The following TMIGD3 variants were observed in gnomAD, a reference collection of about 807,000 sequenced individuals.
The protein encoded by TMIGD3 is AD026 protein (AD026).
TMIGD3 carries 21 observed loss-of-function variants against 28.1 expected under a neutral mutation model. That is an observed-to-expected ratio of 0.75 (90% CI 0.53 to 1.08). The LOEUF is 1.08. TMIGD3 is among the 50% of genes least tolerant of loss of function. The pLI, the probability that TMIGD3 is intolerant of heterozygous loss-of-function variation, is 0.00. For missense variants in TMIGD3, 416 were observed against 435.6 expected (o/e 0.96, Z 0.40); for synonymous variants, 151 against 162.1 (o/e 0.93, Z 0.52).
chr1:111,541,554 G>A (rs945210320), intron 1 of TMIGD3, among the ~76,000 whole-genome samples: 8 of 152,162 alleles, frequency 5.3e-5, no homozygotes, highest in African/African-American at 1.9e-4. Flanking sequence ...GGTGACGCTT[G>A]GCAGACAGTA....
upstream of TMIGD3, among the ~76,000 whole-genome samples, chr1:111,507,208 G>A (rs1008149168): frequency 6.6e-6 from 1 of 151,728 alleles, no homozygotes; most frequent in African/African-American, 2.4e-5. Flanking sequence ...GATTGCTTGA[G>A]GCCAGGAGCT....
upstream of TMIGD3, among the ~76,000 whole-genome samples, chr1:111,506,670 T>A (rs959707528): frequency 6.6e-6 from 1 of 151,772 alleles, no homozygotes; most frequent in Non-Finnish European, 1.5e-5. Flanking sequence ...TCAGTAGAGA[T>A]CAGTATTCTC....
chr1:111,486,548 C>A lies in TMIGD3; in HGVS notation c.872+38G>T, dbSNP rs754436062. On this transcript the variant is annotated intron_variant, in intron 4 of 5. Coordinates refer to ENST00000369716, the MANE Select transcript of TMIGD3 (RefSeq NM_020683.7). ...ACCCCAGCCCCTACCTCCACCCCACCGCCCCAAGCCCATTCATCCGCCAAG... is the reference window on the plus strand; with the variant it reads ...ACCCCAGCCCCTACCTCCACCCCACAGCCCCAAGCCCATTCATCCGCCAAG... 4 of 1,528,962 alleles carry A rather than the reference C, an allele frequency of 2.6e-6. No individual in the cohort carries two copies. The African/African-American group carries it at 5.5e-5, about 21-fold the overall frequency. The allele number at this position is 1,528,962 out of a possible 1,614,324, so 94.7% of individuals were successfully genotyped here. A position where few individuals can be genotyped will look rare whatever the true frequency, so the allele number is the denominator to read the frequency against.
chr1:111,487,679 G>A (rs1049659615), intron 3 of TMIGD3, among the ~76,000 whole-genome samples: 13 of 152,130 alleles, frequency 8.5e-5, no homozygotes, highest in African/African-American at 2.9e-4. Flanking sequence ...TTGTTAACTC[G>A]ACTTTTCTGC....
At chr1:111,527,794 T>A (rs1024023684) in intron 1 of TMIGD3, among the ~76,000 whole-genome samples, 15 of 152,230 alleles carry the variant, frequency 9.9e-5, no homozygotes, top group Admixed American at 6.5e-5. Context: ...CATCCTTATA[T>A]CATCTTTGGT....
exon 1 of TMIGD3, chr1:111,563,944 C>A (rs1213018903): frequency 1.2e-6 from 2 of 1,613,468 alleles, no homozygotes; most frequent in East Asian, 2.2e-5. Context: ...CTGCTGGAGA[C>A]CCTTCCATTG....
intron 1 of TMIGD3, among the ~76,000 whole-genome samples, chr1:111,517,180 G>A (rs1352134609): frequency 6.6e-5 from 10 of 152,170 alleles, no homozygotes; most frequent in Admixed American, 6.5e-5. Flanking sequence ...GATGTCTGAG[G>A]AACCCTCGAT....
At chr1:111,528,050 G>A (rs946605780) in intron 1 of TMIGD3, among the ~76,000 whole-genome samples, 1 of 151,790 alleles carries the variant, frequency 6.6e-6, no homozygotes, top group African/African-American at 2.4e-5. Flanking sequence ...CACGCTTTTG[G>A]AGTTGTATAT....
upstream of TMIGD3, chr1:111,504,969 G>A (rs1288128228): frequency 1.0e-6 from 1 of 985,078 alleles, no homozygotes; most frequent in African/African-American, 1.7e-5. Flanking sequence ...ATTTTCCAAT[G>A]TCAGTTCTGC....
intron 5 of TMIGD3, 56 bp downstream of exon 5, chr1:111,485,684 C>G: frequency 3.5e-5 from 46 of 1,332,164 alleles, no homozygotes; most frequent in Non-Finnish European, 4.9e-5. Flanking sequence ...TGCTCCTTGA[C>G]CTCTTTCATT....
chr1:111,563,734 A>G (rs1657838248), intron 1 of TMIGD3: 6 of 749,852 alleles, frequency 8.0e-6, no homozygotes, highest in Middle Eastern at 2.4e-4. Flanking sequence ...AGGACAAAGC[A>G]TTGATTAAGT....
intron 1 of TMIGD3, among the ~76,000 whole-genome samples, chr1:111,546,358 A>G (rs1026018555): frequency 1.3e-5 from 2 of 152,088 alleles, no homozygotes; most frequent in African/African-American, 4.8e-5. Context: ...ACCACCATCC[A>G]TCTCTAAAAC....
intron 1 of TMIGD3, among the ~76,000 whole-genome samples, chr1:111,502,186 T>C (rs1655239628): frequency 3.5e-5 from 2 of 56,920 alleles, no homozygotes; most frequent in African/African-American, 6.9e-5. Flanking sequence ...ATATATAGGA[T>C]ATATATATTA....
intron 1 of TMIGD3, among the ~76,000 whole-genome samples, chr1:111,561,189 T>C (rs140480480): frequency 1.8e-4 from 27 of 152,360 alleles, no homozygotes; most frequent in African/African-American, 6.3e-4. Context: ...AGTGGCACGA[T>C]TGTGGCTCAC....
intron 2 of TMIGD3, 157 bp downstream of exon 2, chr1:111,490,499 G>A (rs1297381505): frequency 1.8e-5 from 11 of 609,722 alleles, no homozygotes; most frequent in Admixed American, 1.5e-4. Context: ...GAACTAATAT[G>A]GACAAGACCT....
intron 1 of TMIGD3, among the ~76,000 whole-genome samples, chr1:111,535,590 G>A (rs1322872494): frequency 6.6e-6 from 1 of 152,178 alleles, no homozygotes; most frequent in African/African-American, 2.4e-5. Flanking sequence ...TTTAAAGTGA[G>A]GATACAGCGT....
At chr1:111,539,912 C>A (rs1656759093) in intron 1 of TMIGD3, among the ~76,000 whole-genome samples, 1 of 152,144 alleles carries the variant, frequency 6.6e-6, no homozygotes, top group African/African-American at 2.4e-5. Flanking sequence ...ACATTAGAAA[C>A]ACATTGAGAA....
At chr1:111,504,888 T>A (rs1655425825), upstream of TMIGD3, 2 of 985,166 alleles carry the variant, frequency 2.0e-6, no homozygotes, top group Admixed American at 6.2e-5. Context: ...AGACTTGTCA[T>A]TTCTCCCTGA....
At chr1:111,561,367 G>A (rs569108357) in intron 1 of TMIGD3, among the ~76,000 whole-genome samples, 4 of 152,206 alleles carry the variant, frequency 2.6e-5, no homozygotes, top group African/African-American at 4.8e-5. Flanking sequence ...CAAGCGATCC[G>A]CTTGTCTCAG....
Sources: allele counts gnomAD v4.1 joint callset (sites outside exome capture counted in the v4.1 genomes callset), GRCh38; gene constraint gnomAD v4.1.1; transcripts MANE v1.5; gene names NCBI Gene and HGNC (gene_info 2026-07-23, HGNC 2026-07-21).